The following WDPCP variants were observed in gnomAD, a reference collection of about 807,000 sequenced individuals.
WDPCP encodes the protein WD repeat containing planar cell polarity effector.
In WDPCP, 71 loss-of-function variants were observed where a neutral mutation model predicts 93.1. The ratio of observed to expected loss-of-function variants is 0.76; its 90% CI spans 0.63 to 0.93. WDPCP has a LOEUF of 0.93. WDPCP is among the 40% of genes least tolerant of loss of function. The probability of loss-of-function intolerance (pLI) is 0.00; values close to 1 mark genes in which losing one functional copy is unlikely to be tolerated. For synonymous variants in WDPCP, 315 were observed against 315.0 expected (o/e 1.00, Z 0.00); for missense variants, 844 against 887.4 (o/e 0.95, Z 0.62).
intron 1 of WDPCP, among the ~76,000 whole-genome samples, chr2:63,530,448 A>G (rs1316679727): frequency 1.3e-5 from 2 of 151,862 alleles, no homozygotes; most frequent in Admixed American, 6.6e-5. Flanking sequence ...CAGGGCAGGT[A>G]TGCTTTATGT....
chr2:63,384,252 G>A (rs948513074), intron 10 of WDPCP, among the ~76,000 whole-genome samples: 5 of 152,038 alleles, frequency 3.3e-5, no homozygotes, highest in Non-Finnish European at 7.4e-5. Flanking sequence ...CAGTAAAATT[G>A]ACAAACTTCT....
chr2:63,372,373 T>G (rs1691471027), intron 12 of WDPCP, among the ~76,000 whole-genome samples: 1 of 152,146 alleles, frequency 6.6e-6, no homozygotes, highest in African/African-American at 2.4e-5. Flanking sequence ...TATACAAACT[T>G]CTGTTTTTTT....
At chr2:63,205,636 T>A (rs1056002249) in intron 14 of WDPCP, among the ~76,000 whole-genome samples, 55 of 152,362 alleles carry the variant, frequency 3.6e-4, no homozygotes, top group African/African-American at 1.3e-3. Context: ...TTGTTCATTG[T>A]TGGGATATAG....
intron 2 of WDPCP, among the ~76,000 whole-genome samples, chr2:63,754,688 C>G (rs1669934808): frequency 1.3e-5 from 2 of 152,174 alleles, no homozygotes; most frequent in African/African-American, 4.8e-5. Flanking sequence ...CCCTCCTTTA[C>G]ACAATCATTC....
At chr2:63,622,670 T>G in intron 3 of WDPCP, 2 of 1,613,434 alleles carry the variant, frequency 1.2e-6, no homozygotes, top group Non-Finnish European at 1.7e-6. Flanking sequence ...TGGTCAGGAG[T>G]CGCCGGGACA....
At chr2:63,489,769 C>T (rs1333154579) in intron 2 of WDPCP, among the ~76,000 whole-genome samples, 1 of 151,806 alleles carries the variant, frequency 6.6e-6, no homozygotes, top group Non-Finnish European at 1.5e-5. Context: ...CTTGAGTCCA[C>T]AGAGATAAAA....
upstream of WDPCP, chr2:63,827,962 T>C (rs1671138373): frequency 6.6e-6 from 1 of 152,240 alleles, no homozygotes; most frequent in South Asian, 2.1e-4. Context: ...TTGAGCTATA[T>C]TTAAAGCAAC....
At chr2:63,243,550 G>A in intron 14 of WDPCP, among the ~76,000 whole-genome samples, 1 of 152,094 alleles carries the variant, frequency 6.6e-6, no homozygotes, top group Non-Finnish European at 1.5e-5. Flanking sequence ...AAGAGCAGGA[G>A]TTGCTATTCT....
intron 2 of WDPCP, among the ~76,000 whole-genome samples, chr2:63,807,052 C>T (rs894739072): frequency 6.6e-6 from 1 of 152,176 alleles, no homozygotes; most frequent in African/African-American, 2.4e-5. Context: ...GATAAGTGTC[C>T]ATGAAATCTG....
chr2:63,249,809 C>T (rs572348875), intron 14 of WDPCP, among the ~76,000 whole-genome samples: 2 of 152,106 alleles, frequency 1.3e-5, no homozygotes, highest in East Asian at 1.9e-4. Context: ...CAGATATTAC[C>T]GAATCTGATG....
Position 63,120,086 on chromosome 2 carries a change from A to G in WDPCP, c.*1920T>C, listed in dbSNP as rs1037944527. 2.0e-5 allele frequency among the ~76,000 whole-genome samples: 3 copies of G among 152,198 alleles called. No homozygotes were observed. Among genetic ancestry groups the G allele is most frequent in the African/African-American group, 7.2e-5 (3 of 41,456 alleles). On this transcript the variant is annotated 3_prime_UTR_variant, in exon 18 of 18. Coordinates refer to ENST00000272321, the MANE Select transcript of WDPCP (RefSeq NM_015910.7). ...ATAGATGTATCAATATCCATATTTT[A>G]TCTTTAGTATCTCACAGGAAAGGTA...
At chr2:63,779,073 A>T (rs1246267528) in intron 2 of WDPCP, among the ~76,000 whole-genome samples, 2 of 152,054 alleles carry the variant, frequency 1.3e-5, no homozygotes, top group African/African-American at 4.8e-5. Context: ...CACACAGTAA[A>T]CTCTCAATGA....
At chr2:63,434,291 A>G (rs1182065607) in intron 8 of WDPCP, among the ~76,000 whole-genome samples, 1 of 152,230 alleles carries the variant, frequency 6.6e-6, no homozygotes, top group Non-Finnish European at 1.5e-5. Context: ...CAAGTTCAGT[A>G]CTGCTGACCA....
intron 6 of WDPCP, 53 bp downstream of exon 6, chr2:63,484,551 T>C (rs1700450812): frequency 6.9e-6 from 11 of 1,601,018 alleles, no homozygotes; most frequent in East Asian, 2.2e-5. Context: ...AATTACTACA[T>C]AGTTTTCAGC....
At chr2:63,153,181 G>C (rs959219769) in intron 16 of WDPCP, 1 of 567,016 alleles carries the variant, frequency 1.8e-6, no homozygotes, top group African/African-American at 1.9e-5. Flanking sequence ...ATATACTATA[G>C]TATATACTAG....
At position 63,728,055 on chromosome 2, in the gene WDPCP, A is replaced by G. The variant is rs556530946; in HGVS notation, n.309-77217T>C. 3.3e-5 allele frequency among the ~76,000 whole-genome samples: 5 copies of G among 152,366 alleles called. No individual in the cohort carries two copies. In the South Asian group the frequency reaches 1.0e-3, roughly 32 times the overall value. ...ACATGGTACTGTTTATCAATAGGTC[A>G]TAATGAAATACTACCTCCAGGAGAA... On this transcript the variant is annotated intron_variant and non_coding_transcript_variant, in intron 2 of 4. Transcript: ENST00000467687.
chr2:63,450,465 T>C (rs571797553), intron 6 of WDPCP, among the ~76,000 whole-genome samples: 1 of 152,224 alleles, frequency 6.6e-6, no homozygotes, highest in African/African-American at 2.4e-5. Flanking sequence ...CGGGGACTCA[T>C]GAACCCACTC....
intron 2 of WDPCP, among the ~76,000 whole-genome samples, chr2:63,734,011 C>A (rs938527858): frequency 1.3e-5 from 2 of 152,076 alleles, no homozygotes; most frequent in African/African-American, 2.4e-5. Context: ...CATATGTAAC[C>A]TTTTGTGTTT....
intron 14 of WDPCP, among the ~76,000 whole-genome samples, chr2:63,247,551 C>T (rs576985586): frequency 2.6e-5 from 4 of 151,826 alleles, no homozygotes; most frequent in African/African-American, 9.7e-5. Context: ...TTGTTGCATG[C>T]ACAAAATTAT....
Sources: gnomAD v4.1 joint callset for allele counts (sites outside exome capture counted in the v4.1 genomes callset) on GRCh38, gnomAD v4.1.1 for gene constraint, MANE v1.5 for transcripts, NCBI Gene and HGNC (gene_info 2026-07-23, HGNC 2026-07-21) for gene names.